Variants in TBC1D22A observed in about 807,000 individuals in gnomAD.
The protein encoded by TBC1D22A is TBC1 domain family member 22A.
A neutral mutation model predicts 60.2 loss-of-function variants in TBC1D22A; 38 were observed. The ratio of observed to expected loss-of-function variants is 0.63; its 90% CI spans 0.49 to 0.83. TBC1D22A has a LOEUF of 0.83. Among genes scored for constraint, TBC1D22A ranks in the 40% least tolerant of loss-of-function variants. The pLI, the probability that TBC1D22A is intolerant of heterozygous loss-of-function variation, is 0.00. For missense variants in TBC1D22A, 628 were observed against 701.0 expected (o/e 0.90, Z 1.18); for synonymous variants, 302 against 281.7 (o/e 1.07, Z -0.72).
intron 4 of TBC1D22A, among the ~76,000 whole-genome samples, chr22:46,873,792 CTT>C (rs796270691): frequency 6.9e-6 from 1 of 144,600 alleles, no homozygotes; most frequent in Non-Finnish European, 1.5e-5. Context: ...AATCTTGTTC[CTT>C]TTTTTTTTTT....
At chr22:46,886,001 A>T (rs929270108) in intron 5 of TBC1D22A, among the ~76,000 whole-genome samples, 7 of 147,076 alleles carry the variant, frequency 4.8e-5, no homozygotes, top group Non-Finnish European at 1.0e-4. Context: ...TCCGCCTCCC[A>T]GGTTCACGCC....
chr22:47,111,202 C>T (rs1442817120), intron 11 of TBC1D22A, among the ~76,000 whole-genome samples: 1 of 152,258 alleles, frequency 6.6e-6, no homozygotes, highest in Non-Finnish European at 1.5e-5. Flanking sequence ...TTGAATTTGT[C>T]TCTTATCCTT....
At chr22:46,905,064 G>A (rs999969352) in intron 7 of TBC1D22A, among the ~76,000 whole-genome samples, 4 of 152,142 alleles carry the variant, frequency 2.6e-5, no homozygotes, top group African/African-American at 9.7e-5. Context: ...GTGAGCCACC[G>A]CGCCCGGCTG....
At chr22:46,905,086 T>G (rs2069364170) in intron 7 of TBC1D22A, among the ~76,000 whole-genome samples, 2 of 152,248 alleles carry the variant, frequency 1.3e-5, no homozygotes, top group Admixed American at 1.3e-4. Context: ...GAAAATGTTT[T>G]AAAGCCTCTG....
At chr22:46,798,585 C>T (rs2084759130) in intron 4 of TBC1D22A, among the ~76,000 whole-genome samples, 1 of 152,276 alleles carries the variant, frequency 6.6e-6, no homozygotes, top group Admixed American at 6.5e-5. Context: ...CACGTCCTTC[C>T]TTTCCCTATC....
intron 4 of TBC1D22A, among the ~76,000 whole-genome samples, chr22:46,803,941 T>C (rs1294091571): frequency 6.6e-6 from 1 of 152,256 alleles, no homozygotes; most frequent in Admixed American, 6.5e-5. Flanking sequence ...TGTCATTTGA[T>C]GGTTCGCTGA....
At chr22:46,912,546 G>A (rs1332378773) in intron 8 of TBC1D22A, among the ~76,000 whole-genome samples, 1 of 152,084 alleles carries the variant, frequency 6.6e-6, no homozygotes, top group Non-Finnish European at 1.5e-5. Flanking sequence ...CTGTCTGTCT[G>A]TCTATCTGTT....
intron 12 of TBC1D22A, among the ~76,000 whole-genome samples, chr22:47,161,416 A>AT (rs749054788): frequency 1.6e-4 from 25 of 152,066 alleles, no homozygotes; most frequent in Non-Finnish European, 3.4e-4. Flanking sequence ...AGTTGCCAGC[A>AT]TCGTTATGTT....
intron 11 of TBC1D22A, among the ~76,000 whole-genome samples, chr22:47,076,361 G>GTATATGTATATATATA (rs2064216987): frequency 2.0e-5 from 2 of 101,922 alleles, no homozygotes; most frequent in African/African-American, 3.6e-5. Flanking sequence ...ATATGTGTGT[G>GTATATGTATATATATA]TATATATATA....
intron 4 of TBC1D22A, among the ~76,000 whole-genome samples, chr22:46,843,245 A>G (rs1573727): frequency 0.3 from 45,264 of 151,958 alleles, 6,730 homozygotes; most frequent in East Asian, 0.32. Context: ...CATTCGGTGT[A>G]CTAATACAGT....
chr22:46,996,277 A>G (rs1324714966), intron 9 of TBC1D22A, among the ~76,000 whole-genome samples: 2 of 152,188 alleles, frequency 1.3e-5, no homozygotes, highest in Non-Finnish European at 2.9e-5. Context: ...GGCTTCCCCT[A>G]GCTGAGACTC....
At chr22:47,111,424 AC>A in intron 11 of TBC1D22A, 83 bp from the exon 12 acceptor site, 7 of 1,285,622 alleles carry the variant, frequency 5.4e-6, no homozygotes, top group Non-Finnish European at 7.8e-6. Context: ...GACTAGATAA[AC>A]CCTGACTGTC....
chr22:46,980,260 G>GCAACAT (rs2074462328), intron 9 of TBC1D22A, among the ~76,000 whole-genome samples: 1 of 152,220 alleles, frequency 6.6e-6, no homozygotes. Context: ...CTGGCTCACT[G>GCAACAT]CAACCTCCAT....
intron 7 of TBC1D22A, among the ~76,000 whole-genome samples, chr22:46,911,734 G>A (rs1209240554): frequency 6.6e-6 from 1 of 152,016 alleles, no homozygotes; most frequent in South Asian, 2.1e-4. Flanking sequence ...CCTGGCCAAC[G>A]TGGCGAAACC....
chr22:47,063,944 C>T (rs66689735), intron 11 of TBC1D22A, among the ~76,000 whole-genome samples: 258 of 45,180 alleles, frequency 5.7e-3, no homozygotes, highest in East Asian at 0.017. Context: ...CCCCCTACTC[C>T]AGTGTGGCCT....
At chr22:47,135,713 T>G (rs551960374) in intron 12 of TBC1D22A, among the ~76,000 whole-genome samples, 10 of 152,306 alleles carry the variant, frequency 6.6e-5, no homozygotes, top group Admixed American at 2.6e-4. Context: ...GGTGCCTAGA[T>G]TAGTACTTGT....
chr22:46,876,081 A>G (rs1334350180), intron 4 of TBC1D22A, among the ~76,000 whole-genome samples: 3 of 152,164 alleles, frequency 2.0e-5, no homozygotes, highest in South Asian at 2.1e-4. Flanking sequence ...GACAAATCGG[A>G]GATTAAAGTG....
chr22:47,100,204 A>G (rs2065358397), intron 11 of TBC1D22A, among the ~76,000 whole-genome samples: 1 of 151,778 alleles, frequency 6.6e-6, no homozygotes, highest in African/African-American at 2.4e-5. Context: ...GTGAGGCGTC[A>G]GGGCACAGGG....
intron 8 of TBC1D22A, chr22:46,915,066 C>T: frequency 3.8e-6 from 1 of 261,384 alleles, no homozygotes; most frequent in Non-Finnish European, 7.6e-6. Flanking sequence ...CAAGTAGTGG[C>T]ATTGGGAGGA....
Sources: gnomAD v4.1 joint callset for allele counts (sites outside exome capture counted in the v4.1 genomes callset) on GRCh38, gnomAD v4.1.1 for gene constraint, MANE v1.5 for transcripts, NCBI Gene and HGNC (gene_info 2026-07-23, HGNC 2026-07-21) for gene names.